Variants in KCNIP4 observed in about 807,000 individuals in gnomAD.
KCNIP4 encodes Kv channel-interacting protein 4.
In KCNIP4, 12 loss-of-function variants were observed where a neutral mutation model predicts 34.0. The observed-to-expected ratio is 0.35, with a 90% CI of 0.23 to 0.57. KCNIP4 has a LOEUF of 0.57. Ranked by LOEUF, KCNIP4 falls within the 20% of genes least tolerant of loss-of-function variation. The pLI, the probability that KCNIP4 is intolerant of heterozygous loss-of-function variation, is 0.83. For missense variants in KCNIP4, 238 were observed against 311.7 expected, an observed-to-expected ratio of 0.76 and a Z score of 1.78; for synonymous variants, 124 against 102.2, an observed-to-expected ratio of 1.21 and a Z score of -1.29.
intron 1 of KCNIP4, among the ~76,000 whole-genome samples, chr4:21,278,889 T>C (rs1295801510): frequency 6.6e-6 from 1 of 152,210 alleles, no homozygotes; most frequent in Non-Finnish European, 1.5e-5. Flanking sequence ...TGCAATCGTA[T>C]GCTATCTAGA....
chr4:20,834,919 A>G (rs1315551621), intron 3 of KCNIP4, among the ~76,000 whole-genome samples: 8 of 152,188 alleles, frequency 5.3e-5, no homozygotes. Context: ...TGTGGTTCTC[A>G]TCTTAGTTTA....
intron 1 of KCNIP4, among the ~76,000 whole-genome samples, chr4:21,358,195 G>A (rs538126041): frequency 1.6e-4 from 24 of 152,198 alleles, no homozygotes; most frequent in African/African-American, 5.3e-4. Flanking sequence ...TGGAGGGATA[G>A]CATTAGGAGA....
At chr4:21,458,428 A>G (rs1729152532) in intron 1 of KCNIP4, among the ~76,000 whole-genome samples, 2 of 151,750 alleles carry the variant, frequency 1.3e-5, no homozygotes, top group South Asian at 4.2e-4. Flanking sequence ...AGTCTTTGCT[A>G]TTGTGAATAA....
In KCNIP4 at chr4:21,616,731, T is replaced by C. The variant is rs117428390; in HGVS notation, c.61+331840A>G. 3.3e-5 allele frequency among the ~76,000 whole-genome samples: 5 copies of C among 152,294 alleles called. No homozygotes were observed. In the East Asian group the frequency reaches 9.6e-4, roughly 29 times the overall value. ...GGCCTCCATAGTCACATAGTGTTCC[T>C]CTTGTGTGTCTCTGCGTTTCTTCTT... On this transcript the variant is annotated intron_variant, in intron 1 of 8. Transcript: ENST00000382152.
chr4:20,929,207 C>T (rs1248887013), intron 1 of KCNIP4, among the ~76,000 whole-genome samples: 1 of 151,928 alleles, frequency 6.6e-6, no homozygotes, highest in Admixed American at 6.6e-5. Context: ...TTATCCCTAG[C>T]ATGCAAGGCT....
intron 1 of KCNIP4, among the ~76,000 whole-genome samples, chr4:21,787,470 C>A (rs997260480): frequency 6.6e-6 from 1 of 152,194 alleles, no homozygotes; most frequent in East Asian, 1.9e-4. Context: ...CAGCAAAACT[C>A]AGTACACTCC....
chr4:20,784,843 T>C (rs941451815), intron 3 of KCNIP4, among the ~76,000 whole-genome samples: 2 of 152,052 alleles, frequency 1.3e-5, no homozygotes, highest in African/African-American at 4.8e-5. Context: ...AGAAGGAGTT[T>C]TGGACCCTTA....
At chr4:21,059,640 A>G (rs1026136451) in intron 1 of KCNIP4, among the ~76,000 whole-genome samples, 55 of 152,248 alleles carry the variant, frequency 3.6e-4, no homozygotes, top group African/African-American at 1.2e-3. Flanking sequence ...AAGTGTATTT[A>G]TGGGATAGAG....
intron 1 of KCNIP4, among the ~76,000 whole-genome samples, chr4:21,495,042 T>C (rs1732742667): frequency 6.6e-6 from 1 of 152,002 alleles, no homozygotes; most frequent in Admixed American, 6.6e-5. Context: ...GTTGTAAATA[T>C]TCAATCTATA....
chr4:21,381,909 T>G (rs1721546219), intron 1 of KCNIP4, among the ~76,000 whole-genome samples: 1 of 152,108 alleles, frequency 6.6e-6, no homozygotes, highest in South Asian at 2.1e-4. Context: ...TGGTCTAGCA[T>G]GGAGTCATAT....
At chr4:20,803,470 CAAAAAAAA>C (rs551176038) in intron 3 of KCNIP4, among the ~76,000 whole-genome samples, 23 of 85,880 alleles carry the variant, frequency 2.7e-4, no homozygotes, top group South Asian at 8.0e-4. Context: ...TCATCTTTAC[CAAAAAAAA>C]AAAAAAAAAA....
At chr4:20,924,497 T>G (rs1188168903) in intron 1 of KCNIP4, among the ~76,000 whole-genome samples, 1 of 152,222 alleles carries the variant, frequency 6.6e-6, no homozygotes, top group Non-Finnish European at 1.5e-5. Flanking sequence ...TATTGCAATA[T>G]AAAAGTTTTC....
rs142161655 is a variant in KCNIP4 at position 21,718,448 on chromosome 4, T to A, written c.61+230123A>T. ...ATTCAACCAAAATAATACTGAAAGG[T>A]TTTTTTTGTTTTTTGTTTTTTTTTC... is the stretch of plus-strand genomic sequence containing the variant. On this transcript the variant is annotated intron_variant, in intron 1 of 8. Transcript: ENST00000382152. The A allele has an allele frequency of 1.2e-3, 190 of 152,032 alleles. 1 individual carries two copies. The highest frequency in any genetic ancestry group is 4.3e-3 in the African/African-American group (180 of 41,492). The allele number at this position is 152,032 out of a possible 1,614,324, so 9.4% of individuals were successfully genotyped here.
chr4:20,765,846 T>C (rs1014015906), intron 3 of KCNIP4, among the ~76,000 whole-genome samples: 1 of 152,230 alleles, frequency 6.6e-6, no homozygotes, highest in Non-Finnish European at 1.5e-5. Flanking sequence ...GGGGCCTTAC[T>C]GCTGTGTTCC....
At chr4:21,815,838 C>T (rs188926245) in intron 1 of KCNIP4, among the ~76,000 whole-genome samples, 10 of 152,260 alleles carry the variant, frequency 6.6e-5, no homozygotes, top group Admixed American at 2.6e-4. Context: ...GAGCTTTAGG[C>T]CATCTGTCCC....
intron 1 of KCNIP4, among the ~76,000 whole-genome samples, chr4:21,618,479 G>A (rs1026953743): frequency 2.0e-5 from 3 of 151,998 alleles, no homozygotes; most frequent in African/African-American, 7.2e-5. Flanking sequence ...TTCAGATTGA[G>A]AGCTACCTTT....
At chr4:21,307,768 G>A (rs903230307) in intron 1 of KCNIP4, among the ~76,000 whole-genome samples, 4 of 151,774 alleles carry the variant, frequency 2.6e-5, no homozygotes, top group African/African-American at 9.7e-5. Flanking sequence ...TTTTTTTTTA[G>A]GAAGTCCTAT....
chr4:21,107,014 C>A (rs1202415613), intron 1 of KCNIP4, among the ~76,000 whole-genome samples: 2 of 148,456 alleles, frequency 1.3e-5, no homozygotes, highest in Admixed American at 1.3e-4. Flanking sequence ...AGCTTTACTT[C>A]CAAGTATGTG....
At chr4:20,745,311 G>A (rs962997161) in intron 5 of KCNIP4, among the ~76,000 whole-genome samples, 3 of 152,044 alleles carry the variant, frequency 2.0e-5, no homozygotes, top group African/African-American at 4.8e-5. Context: ...CTTGAATACT[G>A]TATATCCTGA....
Sources: allele counts gnomAD v4.1 joint callset (sites outside exome capture counted in the v4.1 genomes callset), GRCh38; gene constraint gnomAD v4.1.1; transcripts MANE v1.5; gene names NCBI Gene and HGNC (gene_info 2026-07-23, HGNC 2026-07-21).